The following PIEZO1 variants were observed in gnomAD, a reference collection of about 807,000 sequenced individuals.
The protein encoded by PIEZO1 is piezo-type mechanosensitive ion channel component 1.
A neutral mutation model predicts 297.2 loss-of-function variants in PIEZO1; 296 were observed. That is an observed-to-expected ratio of 1.00 (90% CI 0.91 to 1.10). PIEZO1 has a LOEUF of 1.10. PIEZO1 is among the 50% of genes least tolerant of loss of function. The pLI is 0.00. For synonymous variants in PIEZO1, 2,427 were observed against 1,507.5 expected, an observed-to-expected ratio of 1.61 and a Z score of -14.13; for missense variants, 5,018 against 3,455.5, an observed-to-expected ratio of 1.45 and a Z score of -11.34.
Position 88,716,374 on chromosome 16 carries a change from AG to A in PIEZO1, c.7035del (p.Ser2346ArgfsTer26). The A allele has an allele frequency of 6.5e-7, 1 of 1,543,540 alleles. No homozygotes were observed. The stretch of plus-strand genomic sequence containing the variant: ...CCCTTCACTCACACAGACTGGTCCG[AG>A]GTGCCCTCGAGCAGGCTGGCCAGCT... ...RRQLASLLEG[T>X]SDQSVVIPNL... On this transcript the variant is annotated frameshift_variant, in exon 48 of 51. Transcript: ENST00000301015. LOFTEE classifies it high-confidence loss of function.
intron 44 of PIEZO1, 140 bp downstream of exon 44, chr16:88,719,433 TG>T: frequency 1.4e-6 from 1 of 708,274 alleles, no homozygotes; most frequent in Non-Finnish European, 2.4e-6. Flanking sequence ...AGCTAGTGGG[TG>T]GGCTCGCCTC....
chr16:88,757,337 TTACC>T (rs1170230517), intron 1 of PIEZO1, among the ~76,000 whole-genome samples: 1 of 126,770 alleles, frequency 7.9e-6, no homozygotes, highest in African/African-American at 2.8e-5. Context: ...TGGGGGGTAG[TTACC>T]TAACCTGCCT....
intron 1 of PIEZO1, among the ~76,000 whole-genome samples, chr16:88,757,220 G>C (rs1443172656): frequency 2.6e-5 from 4 of 151,822 alleles, no homozygotes; most frequent in Non-Finnish European, 1.5e-5. Flanking sequence ...CCGGGGGCTG[G>C]AAGACGCGAT....
intron 2 of PIEZO1, 195 bp from the exon 3 acceptor site, chr16:88,742,617 C>G: frequency 1.7e-6 from 1 of 575,154 alleles, no homozygotes; most frequent in Non-Finnish European, 3.0e-6. Context: ...ACTCTTGTCA[C>G]AAGGAGCCGG....
At position 88,726,488 on chromosome 16, in the gene PIEZO1, A is replaced by G. The variant is rs1341776767; in HGVS notation, c.3797-33T>C. ...GCAGGCACCGGCAAGGGTCAGGCCC[A>G]GGGCCCAGGAGCAGGGGGCTTCCCC... is the stretch of plus-strand genomic sequence containing the variant. On this transcript the variant is annotated intron_variant, in intron 26 of 50. Transcript: ENST00000301015. The G allele has an allele frequency of 3.9e-6, 6 of 1,547,876 alleles. No individual in the cohort carries two copies. The South Asian group carries it at 6.0e-5, about 15-fold the overall frequency.
At chr16:88,731,173 G>A (rs1904779954) in intron 22 of PIEZO1, 1 of 156,342 alleles carries the variant, frequency 6.4e-6, no homozygotes, top group Non-Finnish European at 1.4e-5. Context: ...TTAGACCCAA[G>A]ACAAGAGACT....
intron 44 of PIEZO1, chr16:88,718,131 C>T (rs906180350): frequency 5.4e-6 from 1 of 185,742 alleles, no homozygotes; most frequent in African/African-American, 2.4e-5. Flanking sequence ...AGAAGATACA[C>T]AAATGGCCAA....
At chr16:88,743,262 G>C (rs946255306) in intron 2 of PIEZO1, 2 of 456,394 alleles carry the variant, frequency 4.4e-6, no homozygotes, top group East Asian at 1.4e-4. Flanking sequence ...CGGCGCACAT[G>C]TGGACAGCTC....
chr16:88,718,571 C>G (rs1258389054), intron 44 of PIEZO1: 1 of 152,262 alleles, frequency 6.6e-6, no homozygotes, highest in Non-Finnish European at 1.5e-5. Context: ...AAGCTGATTA[C>G]AAAAGGACAA....
Position 88,719,974 on chromosome 16 carries a change from G to A in PIEZO1, c.6165-14C>T, listed in dbSNP as rs558335132. 4 of 1,549,886 alleles carry A rather than the reference G, an allele frequency of 2.6e-6. No homozygotes were observed. The highest frequency in any genetic ancestry group is 2.4e-5 in the East Asian group (1 of 40,924). ...TGGTTGAACATCCTGGGGCGGGATG[G>A]CCAGGTCAAGGACCCCATCAGAAAC... On this transcript the variant is annotated splice_polypyrimidine_tract_variant and intron_variant, in intron 42 of 50. Transcript: ENST00000301015.
rs761826035 is a variant in PIEZO1, at chr16:88,716,647, T to TG, written c.6837dup (p.Ile2280HisfsTer75). 1 of 1,549,656 alleles carries TG rather than the reference T, an allele frequency of 6.5e-7. No homozygotes were observed. Among genetic ancestry groups the TG allele is most frequent in the South Asian group, 1.2e-5 (1 of 84,052 alleles). On this transcript the variant is annotated frameshift_variant, in exon 47 of 51. Coordinates refer to ENST00000301015, the MANE Select transcript of PIEZO1 (RefSeq NM_001142864.4). LOFTEE classifies it high-confidence loss of function. ...ATCTGGGCACGGCTGGGGGGACTGATGCGCCACAGCGCCCCGGAGCTGCCC... is the reference window on the plus strand; with the variant it reads ...ATCTGGGCACGGCTGGGGGGACTGATGGCGCCACAGCGCCCCGGAGCTGCCC...
chr16:88,732,930 G>GGGGAGTGAAGAGAGGTCC (rs1567671109), intron 19 of PIEZO1, 198 bp from the exon 20 acceptor site: 26 of 608,156 alleles, frequency 4.3e-5, no homozygotes, highest in Non-Finnish European at 6.7e-5. Flanking sequence ...GGCAGGGGCT[G>GGGGAGTGAAGAGAGGTCC]GGGGAGTGAA....
At chr16:88,760,700 A>T (rs1054922082) in intron 1 of PIEZO1, among the ~76,000 whole-genome samples, 1 of 151,704 alleles carries the variant, frequency 6.6e-6, no homozygotes, top group Non-Finnish European at 1.5e-5. Flanking sequence ...AAGCGGAGAC[A>T]CCCGCCTTTG....
At chr16:88,735,076 G>T in intron 13 of PIEZO1, 23 bp from the exon 14 acceptor site, 1 of 1,550,116 alleles carries the variant, frequency 6.5e-7, no homozygotes. Flanking sequence ...CCAGGGGCAG[G>T]CGATGGCATC....
rs183110795 is a variant in PIEZO1 at position 88,733,869 on chromosome 16, G to A, written c.2329+37C>T. On this transcript the variant is annotated intron_variant, in intron 17 of 50. Transcript: ENST00000301015. ...CCCCGAGCTGGGACATGGCACAGCA[G>A]ACTGGGTGGCAGCTGTGCTCTGCCC... 13 of 1,471,360 alleles carry A rather than the reference G, an allele frequency of 8.8e-6. No individual in the cohort carries two copies. In the African/African-American group the frequency reaches 9.9e-5, roughly 11 times the overall value. 91.1% of individuals were successfully genotyped at this position (1,471,360 alleles called of 1,614,324 possible). A position where few individuals can be genotyped will look rare whatever the true frequency, so the allele number is the denominator to read the frequency against.
At chr16:88,743,767 A>T (rs1905857488) in intron 2 of PIEZO1, 1 of 406,046 alleles carries the variant, frequency 2.5e-6, no homozygotes, top group East Asian at 7.2e-5. Flanking sequence ...ACCACCAGGC[A>T]GCCGAGGCAG....
chr16:88,743,484 G>C, intron 2 of PIEZO1: 1 of 451,548 alleles, frequency 2.2e-6, no homozygotes, highest in South Asian at 1.6e-5. Flanking sequence ...CTGGAGCTCA[G>C]GGACAGGTAG....
At chr16:88,751,251 C>T (rs1049668328) in intron 1 of PIEZO1, among the ~76,000 whole-genome samples, 3 of 152,214 alleles carry the variant, frequency 2.0e-5, no homozygotes, top group Non-Finnish European at 4.4e-5. Context: ...CCGACCTCCA[C>T]GGACAGCACA....
rs546345009 is a variant in PIEZO1 at position 88,769,718 on chromosome 16, C to A, written c.64+15183G>T. Among the ~76,000 whole-genome samples the A allele has an allele frequency of 6.5e-4, 99 of 152,144 alleles. 1 individual carries two copies. Among genetic ancestry groups the A allele is most frequent in the African/African-American group, 2.2e-3 (90 of 41,530 alleles). ...CACTGCTTCCTCCTGAGGACCTGAG[C>A]CAGGTCTGGGGCTGAGGCTCAAACA... On this transcript the variant is annotated intron_variant, in intron 1 of 50. Transcript: ENST00000301015.
Sources: gnomAD v4.1 joint callset for allele counts (sites outside exome capture counted in the v4.1 genomes callset) on GRCh38, gnomAD v4.1.1 for gene constraint, MANE v1.5 for transcripts, NCBI Gene and HGNC (gene_info 2026-07-23, HGNC 2026-07-21) for gene names.